The following RAD54L2 variants were observed in gnomAD, a reference collection of about 807,000 sequenced individuals.
RAD54L2 encodes RAD54 like 2, also known as helicase ARIP4.
Under a neutral mutation model 138.4 loss-of-function variants are expected in RAD54L2, and 27 were observed. The observed-to-expected ratio is 0.20, with a 90% CI of 0.14 to 0.27. The LOEUF is 0.27. RAD54L2 is among the 10% of genes least tolerant of loss of function. The pLI is 1.00. For synonymous variants in RAD54L2, 644 were observed against 723.2 expected, an observed-to-expected ratio of 0.89 and a Z score of 1.76; for missense variants, 1,396 against 1,890.2, an observed-to-expected ratio of 0.74 and a Z score of 4.85.
intron 7 of RAD54L2, among the ~76,000 whole-genome samples, chr3:51,633,145 G>A (rs553748875): frequency 1.3e-5 from 2 of 152,190 alleles, no homozygotes; most frequent in East Asian, 1.9e-4. Context: ...GCTTGAACCC[G>A]GGAGGCAGAG....
chr3:51,561,750 T>G (rs1365949811), intron 2 of RAD54L2, among the ~76,000 whole-genome samples: 1 of 151,798 alleles, frequency 6.6e-6, no homozygotes, highest in Non-Finnish European at 1.5e-5. Context: ...TATTTTTTGT[T>G]CCCTATGTTG....
intron 4 of RAD54L2, 104 bp from the exon 5 acceptor site, chr3:51,629,230 G>T (rs777820084): frequency 3.8e-6 from 5 of 1,305,130 alleles, no homozygotes; most frequent in African/African-American, 1.5e-5. Context: ...TCCTTCTCCC[G>T]CCTCGACTCT....
At chr3:51,653,403 C>T (rs1402584000) in intron 19 of RAD54L2, among the ~76,000 whole-genome samples, 1 of 152,160 alleles carries the variant, frequency 6.6e-6, no homozygotes, top group Non-Finnish European at 1.5e-5. Flanking sequence ...ACTAGAAATA[C>T]CATTTGACCC....
At chr3:51,585,074 G>A (rs1277986754) in intron 2 of RAD54L2, among the ~76,000 whole-genome samples, 2 of 151,724 alleles carry the variant, frequency 1.3e-5, no homozygotes, top group Non-Finnish European at 2.9e-5. Context: ...GTCTCCCAAA[G>A]TGTTGGGATT....
intron 3 of RAD54L2, among the ~76,000 whole-genome samples, chr3:51,593,393 C>CG (rs1159600257): frequency 6.6e-6 from 1 of 150,534 alleles, no homozygotes; most frequent in Non-Finnish European, 1.5e-5. Flanking sequence ...AGTGCAGTGG[C>CG]GCGATCTCGG....
chr3:51,650,377 C>T (rs548327514), intron 19 of RAD54L2, among the ~76,000 whole-genome samples: 4 of 152,120 alleles, frequency 2.6e-5, no homozygotes, highest in Non-Finnish European at 4.4e-5. Flanking sequence ...GACAGATCAA[C>T]GAGACAGAAG....
intron 3 of RAD54L2, among the ~76,000 whole-genome samples, chr3:51,595,890 G>A (rs919385786): frequency 6.6e-6 from 1 of 150,386 alleles, no homozygotes; most frequent in African/African-American, 2.4e-5. Context: ...TCTGGGATTG[G>A]CTTTCCTTAT....
intron 3 of RAD54L2, among the ~76,000 whole-genome samples, chr3:51,592,927 C>T (rs1672258687): frequency 6.6e-6 from 1 of 152,166 alleles, no homozygotes; most frequent in African/African-American, 2.4e-5. Context: ...CCTGAAAAAT[C>T]CAAAACCTGC....
intron 2 of RAD54L2, among the ~76,000 whole-genome samples, chr3:51,584,497 T>C (rs530855840): frequency 1.1e-4 from 16 of 152,038 alleles, no homozygotes; most frequent in African/African-American, 3.6e-4. Flanking sequence ...TTGGGTGTGA[T>C]TGGAGTAGTG....
In RAD54L2 at chr3:51,545,423, C is replaced by T. The variant is rs150756839; in HGVS notation, c.-55+3773C>T. Among the ~76,000 whole-genome samples the T allele has an allele frequency of 7.0e-3, 1,064 of 152,000 alleles. 4 individuals are homozygous for T. Among genetic ancestry groups the T allele is most frequent in the Middle Eastern group, 0.024 (7 of 294 alleles). ...GTCAGTCTGATCTTGAACTCGTGAC[C>T]TTGTGATCCACCTGCCTCTGCTTCC... On this transcript the variant is annotated intron_variant, in intron 2 of 22. Coordinates refer to ENST00000684192, the MANE Select transcript of RAD54L2 (RefSeq NM_015106.4).
At chr3:51,563,877 C>G (rs1158238380) in intron 2 of RAD54L2, among the ~76,000 whole-genome samples, 2 of 152,180 alleles carry the variant, frequency 1.3e-5, no homozygotes, top group Non-Finnish European at 2.9e-5. Flanking sequence ...GATCCCTTTT[C>G]TTTCACTGAG....
At chr3:51,643,489 C>G in intron 15 of RAD54L2, among the ~76,000 whole-genome samples, 1 of 152,358 alleles carries the variant, frequency 6.6e-6, no homozygotes, top group Middle Eastern at 3.4e-3. Flanking sequence ...GGAACATCAT[C>G]CATATCAAAA....
rs71084149 is a variant in RAD54L2 at position 51,566,466 on chromosome 3, GTTTTTTTTTTTTTT to G, written c.-54-23884_-54-23871del. ...TGAATTTTATCACAGCCTTTTCTGC[GTTTTTTTTTTTTTT>G]TTTTTTTTTTTTTTTTAATGACAGA... On this transcript the variant is annotated intron_variant, in intron 2 of 22. Transcript: ENST00000684192. 1.1e-3 allele frequency among the ~76,000 whole-genome samples: 35 copies of G among 31,540 alleles called. No homozygotes were observed. The East Asian group carries it at 0.042, about 38-fold the overall frequency. The allele number at this position is 31,540 out of a possible 152,430, so 20.7% of individuals were successfully genotyped here.
intron 3 of RAD54L2, among the ~76,000 whole-genome samples, chr3:51,593,265 C>T (rs939324336): frequency 6.6e-6 from 1 of 151,812 alleles, no homozygotes; most frequent in Non-Finnish European, 1.5e-5. Flanking sequence ...TTATCTGTCC[C>T]AAATGTCAAT....
intron 19 of RAD54L2, among the ~76,000 whole-genome samples, chr3:51,649,240 A>G (rs992837278): frequency 3.3e-5 from 5 of 152,028 alleles, no homozygotes; most frequent in South Asian, 2.1e-4. Context: ...GCGGTGAGAA[A>G]AGTTTAGAGA....
chr3:51,575,457 G>A (rs1010183753), intron 2 of RAD54L2, among the ~76,000 whole-genome samples: 7 of 152,176 alleles, frequency 4.6e-5, no homozygotes, highest in Non-Finnish European at 1.0e-4. Flanking sequence ...CCATTTTTAC[G>A]ATATGATTCT....
In RAD54L2 at chr3:51,662,712, T is replaced by C; in HGVS notation, c.3696T>C (p.Asn1232=). ...CTCGACTAGGGGGTCATTGCCTCAATAGTTCCCTCTTGGTGACTGGCCAGC... is the reference window on the plus strand; with the variant it reads ...CTCGACTAGGGGGTCATTGCCTCAACAGTTCCCTCTTGGTGACTGGCCAGC... ...TEPRLGGHCL[N]SSLLVTGQPC... The change falls in exon 23 of 23, where the codon AAT becomes AAC. Residue 1232 remains asparagine (N), a synonymous_variant. Coordinates refer to ENST00000684192, the MANE Select transcript of RAD54L2 (RefSeq NM_015106.4). The surrounding 1 kb of genome is among the most constrained non-coding windows in gnomAD (Gnocchi z 4.6). 4.3e-6 allele frequency: 7 copies of C among 1,613,824 alleles called. No homozygotes were observed. Among genetic ancestry groups the C allele is most frequent in the Non-Finnish European group, 5.9e-6 (7 of 1,179,858 alleles).
intron 2 of RAD54L2, among the ~76,000 whole-genome samples, chr3:51,548,985 G>A (rs1225964574): frequency 2.0e-5 from 3 of 151,604 alleles, no homozygotes; most frequent in African/African-American, 2.4e-5. Flanking sequence ...CACCATGCCC[G>A]GCTAATTTTT....
At chr3:51,583,205 A>G (rs1419503298) in intron 2 of RAD54L2, among the ~76,000 whole-genome samples, 2 of 152,232 alleles carry the variant, frequency 1.3e-5, no homozygotes, top group South Asian at 2.1e-4. Flanking sequence ...GTCTGGCTCC[A>G]TAGAGACAGC....
Sources: allele counts gnomAD v4.1 joint callset (sites outside exome capture counted in the v4.1 genomes callset), GRCh38; gene constraint gnomAD v4.1.1; non-coding constraint Gnocchi (gnomAD v3.1); transcripts MANE v1.5; gene names NCBI Gene and HGNC (gene_info 2026-07-23, HGNC 2026-07-21).